Variants in ITK observed in about 807,000 individuals in gnomAD.
ITK encodes the protein tyrosine-protein kinase ITK/TSK.
Under a neutral mutation model 87.6 loss-of-function variants are expected in ITK, and 45 were observed. The observed-to-expected ratio is 0.51, with a 90% confidence interval of 0.40 to 0.66. The LOEUF is 0.66. Ranked by LOEUF, ITK falls within the 30% of genes least tolerant of loss-of-function variation. The pLI is 0.00. For missense variants in ITK, 605 were observed against 766.3 expected, an observed-to-expected ratio of 0.79 and a Z score of 2.48; for synonymous variants, 303 against 273.6, an observed-to-expected ratio of 1.11 and a Z score of -1.06.
chr5:157,252,252 C>G (rs1423340970), intron 16 of ITK, among the ~76,000 whole-genome samples: 1 of 152,052 alleles, frequency 6.6e-6, no homozygotes, highest in Non-Finnish European at 1.5e-5. Flanking sequence ...TGTTCTTTAG[C>G]ATTAATTTCT....
intron 6 of ITK, among the ~76,000 whole-genome samples, chr5:157,225,489 A>G (rs924039886): frequency 6.6e-6 from 1 of 152,188 alleles, no homozygotes; most frequent in African/African-American, 2.4e-5. Context: ...GAGGGGCACA[A>G]ATATCTTTAA....
At chr5:157,206,907 A>G (rs1368776907) in intron 1 of ITK, among the ~76,000 whole-genome samples, 1 of 151,976 alleles carries the variant, frequency 6.6e-6, no homozygotes, top group African/African-American at 2.4e-5. Flanking sequence ...GATTTTGGTT[A>G]TTTCTTTTCC....
intron 3 of ITK, among the ~76,000 whole-genome samples, chr5:157,213,937 C>T (rs1468446398): frequency 6.6e-6 from 1 of 152,190 alleles, no homozygotes; most frequent in African/African-American, 2.4e-5. Context: ...GTTTGCCCAA[C>T]TTAAGAACAC....
chr5:157,232,379 ACTT>A lies in ITK; in HGVS notation c.757_759del (p.Leu254del). ...GTATCAGCCGAGACAAAGCTGAAAA[ACTT>A]CTTTTGGACACAGTAAGTCTCCTTA... On this transcript the variant is annotated inframe_deletion, in exon 8 of 17. Coordinates refer to ENST00000422843, the MANE Select transcript of ITK (RefSeq NM_005546.4). 6.2e-7 allele frequency: 1 copy of A among 1,610,258 alleles called. No individual in the cohort carries two copies. Among genetic ancestry groups the A allele is most frequent in the African/African-American group, 1.3e-5 (1 of 74,958 alleles).
intron 7 of ITK, among the ~76,000 whole-genome samples, chr5:157,228,751 C>T (rs1230974823): frequency 6.6e-6 from 1 of 152,100 alleles, no homozygotes. Flanking sequence ...CCTCAGCCTC[C>T]CAAGTAGCTG....
In ITK at chr5:157,244,476, T is replaced by A. The variant is rs142788740; in HGVS notation, c.1447T>A (p.Leu483Met). Reference protein sequence around the residue: ...LEEACVIHRDLAARNCLVGEN... With the variant: ...LEEACVIHRDMAARNCLVGEN... ...AGAGGCATGTGTCATCCACAGAGAC[T>A]TGGTATGAGCATGCAGGGTGAACAC... The change falls in exon 13 of 17, where the codon TTG becomes ATG. Residue 483 changes from leucine (L) to methionine (M), a missense_variant and splice_region_variant. Around this residue, in one of 3 missense-constraint regions of ITK, gnomAD observed 70 missense variants for 122.5 expected, o/e 0.57. Coordinates refer to ENST00000422843, the MANE Select transcript of ITK (RefSeq NM_005546.4). 6 of 1,588,580 alleles carry A rather than the reference T, an allele frequency of 3.8e-6. No individual in the cohort carries two copies. The highest frequency in any genetic ancestry group is 5.2e-6 in the Non-Finnish European group (6 of 1,156,718).
At chr5:157,250,174 G>A (rs75902605) in intron 16 of ITK, among the ~76,000 whole-genome samples, 94 of 152,298 alleles carry the variant, frequency 6.2e-4, no homozygotes, top group Middle Eastern at 3.4e-3. Flanking sequence ...GTATCAGACA[G>A]AATAGTTTTA....
chr5:157,201,323 AG>A lies in ITK; in HGVS notation c.139-7565del, dbSNP rs150300116. On this transcript the variant is annotated intron_variant, in intron 1 of 16. Transcript: ENST00000422843. ...CACTTTTTTTTTTTTTTTTTTATGG[AG>A]TCTTGCTCTGTCACCCAGGCTGGAG... Among the ~76,000 whole-genome samples the A allele has an allele frequency of 6.8e-3, 556 of 81,458 alleles. 4 individuals carry two copies. The highest frequency in any genetic ancestry group is 0.016 in the Middle Eastern group (2 of 124). 53.4% of individuals were successfully genotyped at this position (81,458 alleles called of 152,430 possible).
chr5:157,240,514 C>G (rs552827193), intron 10 of ITK: 36 of 417,812 alleles, frequency 8.6e-5, no homozygotes, highest in Non-Finnish European at 4.0e-5. Flanking sequence ...GAGGACAAAG[C>G]CAGAGGGCAC....
In ITK at chr5:157,253,644, TCATCAA is replaced by T. The variant is rs1432685721; in HGVS notation, c.*969_*974del. On this transcript the variant is annotated 3_prime_UTR_variant, in exon 17 of 17. Transcript: ENST00000422843. ...CCCCCCTCTCTGCACTATCCGATCC[TCATCAA>T]CAGAGGGCAGCATTGTGTTGGTCAA... 1 of 226,886 alleles carries T rather than the reference TCATCAA, an allele frequency of 4.4e-6. No homozygotes were observed. The highest frequency in any genetic ancestry group is 8.8e-6 in the Non-Finnish European group (1 of 114,090). The allele number at this position is 226,886 out of a possible 1,614,324, so 14.1% of individuals were successfully genotyped here.
intron 8 of ITK, among the ~76,000 whole-genome samples, chr5:157,235,875 T>C (rs1294819322): frequency 6.6e-6 from 1 of 152,210 alleles, no homozygotes; most frequent in East Asian, 1.9e-4. Context: ...ATGTCTCAGA[T>C]GGAGACTGAC....
intron 1 of ITK, among the ~76,000 whole-genome samples, chr5:157,203,989 C>T (rs932696368): frequency 1.2e-4 from 19 of 152,070 alleles, no homozygotes; most frequent in African/African-American, 4.6e-4. Context: ...CTTCACATGC[C>T]TCTGTAGTAT....
chr5:157,253,069 T>A lies in ITK; in HGVS notation c.*391T>A. 1 of 369,626 alleles carries A rather than the reference T, an allele frequency of 2.7e-6. No homozygotes were observed. 22.9% of individuals were successfully genotyped at this position (369,626 alleles called of 1,614,324 possible). ...ATTTTTAACATGAATCTAAAGTTTATGGTTCCAGGGACTTTTTATTTGACC... is the reference window on the plus strand; with the variant it reads ...ATTTTTAACATGAATCTAAAGTTTAAGGTTCCAGGGACTTTTTATTTGACC... On this transcript the variant is annotated 3_prime_UTR_variant, in exon 17 of 17. Transcript: ENST00000422843.
chr5:157,252,765 C>A lies in ITK; in HGVS notation c.*87C>A. ...TCCATAGAGCATTAGAAGCTGCCAC[C>A]AGCCCAGGACCCTCCAGAGGCAGCC... On this transcript the variant is annotated 3_prime_UTR_variant, in exon 17 of 17. Transcript: ENST00000422843. 1 of 1,052,582 alleles carries A rather than the reference C, an allele frequency of 9.5e-7. No individual in the cohort carries two copies. The highest frequency in any genetic ancestry group is 1.5e-6 in the Non-Finnish European group (1 of 672,840). The allele number at this position is 1,052,582 out of a possible 1,614,324, so 65.2% of individuals were successfully genotyped here. A position where few individuals can be genotyped will look rare whatever the true frequency, so the allele number is the denominator to read the frequency against.
Position 157,244,585 on chromosome 5 carries a change from TC to T in ITK, c.1449+109del, listed in dbSNP as rs1250407180. ...ATAATACATTACAGATAATCTCCTTTCCTTTCTCAACTTCTCCCTTCCTTCA... is the reference window on the plus strand; with the variant it reads ...ATAATACATTACAGATAATCTCCTTTCTTTCTCAACTTCTCCCTTCCTTCA... On this transcript the variant is annotated intron_variant, in intron 13 of 16. Transcript: ENST00000422843. The T allele has an allele frequency of 6.6e-6, 5 of 759,312 alleles. No homozygotes were observed. In the African/African-American group the frequency reaches 8.6e-5, roughly 13 times the overall value. The allele number at this position is 759,312 out of a possible 1,614,324, so 47.0% of individuals were successfully genotyped here.
chr5:157,198,819 G>A (rs1156920463), intron 1 of ITK, among the ~76,000 whole-genome samples: 2 of 152,176 alleles, frequency 1.3e-5, no homozygotes, highest in African/African-American at 4.8e-5. Context: ...CCAGAGTGCA[G>A]GGACATGATA....
chr5:157,225,110 T>TC (rs1241259472), intron 6 of ITK, among the ~76,000 whole-genome samples: 1 of 152,096 alleles, frequency 6.6e-6, no homozygotes, highest in Non-Finnish European at 1.5e-5. Flanking sequence ...TCCTCCCATC[T>TC]CAGACCCCTA....
At chr5:157,203,052 T>A (rs1754006401) in intron 1 of ITK, among the ~76,000 whole-genome samples, 1 of 152,198 alleles carries the variant, frequency 6.6e-6, no homozygotes, top group African/African-American at 2.4e-5. Context: ...CTAGACCTTC[T>A]CCCAGATGGC....
At chr5:157,191,402 TTAAATCA>T (rs1753752124) in intron 1 of ITK, among the ~76,000 whole-genome samples, 1 of 152,154 alleles carries the variant, frequency 6.6e-6, no homozygotes, top group Non-Finnish European at 1.5e-5. Context: ...TAGAATTGAG[TTAAATCA>T]GCTTTGATTA....
Sources: gnomAD v4.1 joint callset for allele counts (sites outside exome capture counted in the v4.1 genomes callset) on GRCh38, gnomAD v4.1.1 for gene constraint, gnomAD v4.1.1 regional missense constraint, MANE v1.5 for transcripts, NCBI Gene and HGNC (gene_info 2026-07-23, HGNC 2026-07-21) for gene names.